KCNU1: variants seen among roughly 807,000 people sequenced by gnomAD.
KCNU1 encodes the protein potassium channel subfamily U member 1.
Under a neutral mutation model 126.8 loss-of-function variants are expected in KCNU1, and 93 were observed. The ratio of observed to expected loss-of-function variants is 0.73; its 90% CI spans 0.62 to 0.87. The LOEUF (loss-of-function observed/expected upper bound fraction) is 0.87, where lower values mean the gene tolerates loss of function less well. KCNU1 is among the 40% of genes least tolerant of loss of function. The pLI is 0.00. For synonymous variants in KCNU1, 523 were observed against 494.2 expected, an observed-to-expected ratio of 1.06 and a Z score of -0.77; for missense variants, 1,330 against 1,367.1, an observed-to-expected ratio of 0.97 and a Z score of 0.43.
chr8:36,852,114 T>A (rs1258951208), intron 18 of KCNU1, among the ~76,000 whole-genome samples: 1 of 152,188 alleles, frequency 6.6e-6, no homozygotes, highest in East Asian at 1.9e-4. Context: ...TTTTTTTTGC[T>A]TTGTTGAGAT....
At chr8:36,861,920 G>A (rs2117328652) in intron 18 of KCNU1, among the ~76,000 whole-genome samples, 1 of 152,282 alleles carries the variant, frequency 6.6e-6, no homozygotes, top group South Asian at 2.1e-4. Context: ...TAACCAAAAT[G>A]TTGGCCATGT....
At chr8:36,875,850 C>A (rs1257535043) in intron 19 of KCNU1, among the ~76,000 whole-genome samples, 1 of 152,072 alleles carries the variant, frequency 6.6e-6, no homozygotes, top group East Asian at 1.9e-4. Flanking sequence ...ATATAAATAT[C>A]CAGAGACCTT....
chr8:36,933,142 G>A (rs1270095625), intron 26 of KCNU1, 110 bp downstream of exon 26: 4 of 689,234 alleles, frequency 5.8e-6, no homozygotes, highest in African/African-American at 1.8e-5. Flanking sequence ...CAGTTGCAAG[G>A]AAGGGTGCAT....
At chr8:36,877,827 A>C (rs1245458851) in intron 19 of KCNU1, among the ~76,000 whole-genome samples, 2 of 152,134 alleles carry the variant, frequency 1.3e-5, no homozygotes, top group African/African-American at 2.4e-5. Context: ...ATCCTTAACA[A>C]TGCCCGTTAT....
chr8:36,878,273 G>A (rs1229900873), intron 19 of KCNU1, among the ~76,000 whole-genome samples: 3 of 152,152 alleles, frequency 2.0e-5, no homozygotes, highest in Non-Finnish European at 2.9e-5. Flanking sequence ...AAAACTCTAA[G>A]GGAGAAAGTG....
At chr8:36,802,789 T>C (rs936054636) in intron 2 of KCNU1, among the ~76,000 whole-genome samples, 2 of 152,198 alleles carry the variant, frequency 1.3e-5, no homozygotes, top group Non-Finnish European at 2.9e-5. Flanking sequence ...TTCTAACATA[T>C]CAGATGATTT....
intron 19 of KCNU1, among the ~76,000 whole-genome samples, chr8:36,882,442 T>A (rs1406448348): frequency 2.0e-5 from 3 of 152,178 alleles, no homozygotes; most frequent in African/African-American, 7.2e-5. Context: ...GAGCTAGAAT[T>A]TCTGTATTCC....
intron 2 of KCNU1, among the ~76,000 whole-genome samples, chr8:36,789,171 C>A (rs1335011533): frequency 6.6e-6 from 1 of 152,028 alleles, no homozygotes; most frequent in Non-Finnish European, 1.5e-5. Context: ...GCTTGAGCAG[C>A]ATAGCAAGAC....
At chr8:36,880,694 A>C (rs1350675215) in intron 19 of KCNU1, among the ~76,000 whole-genome samples, 5 of 152,244 alleles carry the variant, frequency 3.3e-5, no homozygotes, top group African/African-American at 9.6e-5. Context: ...CAAGCAAGAG[A>C]TGAGGTGGCT....
chr8:36,790,978 A>G (rs1802880576), intron 2 of KCNU1, among the ~76,000 whole-genome samples: 1 of 150,040 alleles, frequency 6.7e-6, no homozygotes, highest in South Asian at 2.1e-4. Flanking sequence ...AATAAGGAGG[A>G]AGAGGAAAAT....
At chr8:36,930,088 A>T (rs188363618) in intron 24 of KCNU1, among the ~76,000 whole-genome samples, 1 of 152,288 alleles carries the variant, frequency 6.6e-6, no homozygotes, top group African/African-American at 2.4e-5. Flanking sequence ...ATAAAATAGA[A>T]ATTCTCATTT....
intron 6 of KCNU1, among the ~76,000 whole-genome samples, chr8:36,808,366 C>T (rs1803582169): frequency 1.3e-5 from 2 of 152,046 alleles, no homozygotes; most frequent in African/African-American, 4.8e-5. Context: ...TTATATCGGA[C>T]AATATAACAA....
intron 25 of KCNU1, among the ~76,000 whole-genome samples, chr8:36,931,427 C>G (rs945496046): frequency 1.3e-5 from 2 of 152,052 alleles, no homozygotes; most frequent in Non-Finnish European, 2.9e-5. Context: ...CAGGGAGCAT[C>G]GGAGAGGCCT....
In KCNU1 at chr8:36,833,611, G is replaced by A. The variant is rs376775218; in HGVS notation, c.1164G>A (p.Thr388=). 68 of 1,612,310 alleles carry A rather than the reference G, an allele frequency of 4.2e-5. 1 individual carries two copies. Among genetic ancestry groups the A allele is most frequent in the African/African-American group, 3.5e-4 (26 of 74,918 alleles). Residue 388 remains threonine (T), a synonymous_variant, in exon 11 of 27, where the codon ACG becomes ACA. Coordinates refer to ENST00000399881, the MANE Select transcript of KCNU1 (RefSeq NM_001031836.3). Reference sequence around the variant, plus strand: ...TTAAATGCTACTTGGCCTACACAACGTTCATTTCTGGATCTGCAATGAAGT... The same window carrying A: ...TTAAATGCTACTTGGCCTACACAACATTCATTTCTGGATCTGCAATGAAGT... ...TIFKCYLAYT[T]FISGSAMKWE...
chr8:36,850,995 G>C (rs1805322652), intron 18 of KCNU1, among the ~76,000 whole-genome samples: 1 of 152,152 alleles, frequency 6.6e-6, no homozygotes, highest in South Asian at 2.1e-4. Flanking sequence ...TTTGTAGTAA[G>C]TTTGACACTG....
In KCNU1 at chr8:36,899,269, A is replaced by ACTT. The variant is rs777679473; in HGVS notation, c.2010-6436_2010-6434dup. 9.4e-5 allele frequency among the ~76,000 whole-genome samples: 14 copies of ACTT among 149,008 alleles called. No individual in the cohort carries two copies. The East Asian group carries it at 1.0e-3, about 11-fold the overall frequency. On this transcript the variant is annotated intron_variant, in intron 19 of 26. Coordinates refer to ENST00000399881, the MANE Select transcript of KCNU1 (RefSeq NM_001031836.3). ...TGGGGCCACTCTGATCTTGGGTCTA[A>ACTT]CTTCTAAGCTAGAAGATAGAAAAAA...
At chr8:36,923,890 A>C (rs1373386695) in intron 24 of KCNU1, among the ~76,000 whole-genome samples, 2 of 152,244 alleles carry the variant, frequency 1.3e-5, no homozygotes, top group African/African-American at 4.8e-5. Context: ...GAAGGTGCAT[A>C]AGCTATGAGT....
chr8:36,808,086 G>A (rs949346568), intron 6 of KCNU1, among the ~76,000 whole-genome samples: 4 of 152,116 alleles, frequency 2.6e-5, no homozygotes, highest in South Asian at 2.1e-4. Flanking sequence ...TCACTGCTAC[G>A]TGTTTATGAA....
chr8:36,894,807 A>G, intron 19 of KCNU1, among the ~76,000 whole-genome samples: 1 of 152,150 alleles, frequency 6.6e-6, no homozygotes, highest in South Asian at 2.1e-4. Context: ...ATACATGTAG[A>G]CCAGAAACAG....
Sources: allele counts gnomAD v4.1 joint callset (sites outside exome capture counted in the v4.1 genomes callset), GRCh38; gene constraint gnomAD v4.1.1; transcripts MANE v1.5; gene names NCBI Gene and HGNC (gene_info 2026-07-23, HGNC 2026-07-21).